The following ITGA1 variants were observed in gnomAD, a reference collection of about 807,000 sequenced individuals.
ITGA1 encodes integrin alpha-1.
Under a neutral mutation model 145.9 loss-of-function variants are expected in ITGA1, and 85 were observed. That is an observed-to-expected ratio of 0.58 (90% CI 0.49 to 0.70). ITGA1 has a LOEUF of 0.70. Among genes scored for constraint, ITGA1 ranks in the 30% least tolerant of loss-of-function variants. The pLI is 0.00. For synonymous variants in ITGA1, 520 were observed against 495.3 expected (o/e 1.05, Z -0.66); for missense variants, 1,351 against 1,418.7 (o/e 0.95, Z 0.77).
intron 27 of ITGA1, among the ~76,000 whole-genome samples, chr5:52,946,978 A>G (rs1579735852): frequency 6.6e-6 from 1 of 152,348 alleles, no homozygotes; most frequent in South Asian, 2.1e-4. Flanking sequence ...ATTCCAATCT[A>G]AACTAATGCT....
intron 10 of ITGA1, 90 bp from the exon 11 acceptor site, chr5:52,898,149 C>T: frequency 1.3e-6 from 1 of 774,498 alleles, no homozygotes; most frequent in Non-Finnish European, 1.9e-6. Flanking sequence ...GCACTTTGAA[C>T]AGTATACCTA....
intron 1 of ITGA1, 138 bp downstream of exon 1, chr5:52,788,552 C>G (rs1409975222): frequency 1.5e-6 from 1 of 646,666 alleles, no homozygotes; most frequent in Admixed American, 4.2e-5. Flanking sequence ...GTACTCAGGC[C>G]AGGCTACGGG....
At chr5:52,931,531 A>G (rs528680829) in intron 21 of ITGA1, 1 of 152,392 alleles carries the variant, frequency 6.6e-6, no homozygotes, top group East Asian at 1.9e-4. Flanking sequence ...TTAACAAACA[A>G]TATGATCATC....
At chr5:52,869,499 T>C (rs371314457) in intron 6 of ITGA1, among the ~76,000 whole-genome samples, 11 of 152,172 alleles carry the variant, frequency 7.2e-5, no homozygotes, top group Admixed American at 5.2e-4. Context: ...TGAGAAACAC[T>C]GGACTAAGGC....
intron 1 of ITGA1, among the ~76,000 whole-genome samples, chr5:52,795,692 G>C (rs1389764846): frequency 6.6e-6 from 1 of 151,856 alleles, no homozygotes; most frequent in Non-Finnish European, 1.5e-5. Flanking sequence ...ATGAGCTCTT[G>C]TCCCTTGTTT....
chr5:52,837,113 G>A (rs1580055013), intron 1 of ITGA1, among the ~76,000 whole-genome samples: 2 of 152,242 alleles, frequency 1.3e-5, no homozygotes, highest in South Asian at 4.1e-4. Flanking sequence ...CCTCACTTGA[G>A]ATCAGAACCA....
At chr5:52,912,482 ATG>A (rs1460544119) in intron 14 of ITGA1, among the ~76,000 whole-genome samples, 1 of 138,944 alleles carries the variant, frequency 7.2e-6, no homozygotes, top group Non-Finnish European at 1.5e-5. Flanking sequence ...TATCCAGTAT[ATG>A]TATTATATAT....
chr5:52,897,744 A>G (rs1750251295), intron 10 of ITGA1, among the ~76,000 whole-genome samples: 1 of 152,176 alleles, frequency 6.6e-6, no homozygotes, highest in African/African-American at 2.4e-5. Flanking sequence ...ACTACATTGT[A>G]CTAATAGTTG....
chr5:52,814,710 T>C lies in ITGA1; in HGVS notation c.61+26296T>C, dbSNP rs766404655. 3.9e-5 allele frequency among the ~76,000 whole-genome samples: 6 copies of C among 152,068 alleles called. No individual in the cohort carries two copies. The South Asian group carries it at 1.0e-3, about 26-fold the overall frequency. On this transcript the variant is annotated intron_variant, in intron 1 of 28. Coordinates refer to ENST00000282588, the MANE Select transcript of ITGA1 (RefSeq NM_181501.2). Reference sequence around the variant, plus strand: ...CAACAATCAGAGAGAATTAGTCCTCTGCACCTTCTGAGAGGTATTAAAAAA... The same window carrying C: ...CAACAATCAGAGAGAATTAGTCCTCCGCACCTTCTGAGAGGTATTAAAAAA...
At chr5:52,868,572 T>G (rs1749726304) in intron 6 of ITGA1, among the ~76,000 whole-genome samples, 2 of 152,198 alleles carry the variant, frequency 1.3e-5, no homozygotes, top group African/African-American at 4.8e-5. Flanking sequence ...AACATGAAGT[T>G]ATATGTATTT....
At chr5:52,894,611 A>G (rs1288601842) in intron 9 of ITGA1, among the ~76,000 whole-genome samples, 1 of 152,184 alleles carries the variant, frequency 6.6e-6, no homozygotes, top group African/African-American at 2.4e-5. Context: ...CTCAGGGAAC[A>G]TGCGCCTTTT....
intron 17 of ITGA1, among the ~76,000 whole-genome samples, chr5:52,921,735 T>G (rs1274910897): frequency 2.6e-5 from 4 of 152,206 alleles, no homozygotes; most frequent in African/African-American, 9.6e-5. Context: ...AGAAGCACTT[T>G]GAAATTTGTT....
At chr5:52,892,792 C>G (rs1011353270) in intron 8 of ITGA1, among the ~76,000 whole-genome samples, 1 of 151,784 alleles carries the variant, frequency 6.6e-6, no homozygotes, top group Non-Finnish European at 1.5e-5. Flanking sequence ...AAAATCAAAG[C>G]TATAAGGACA....
intron 13 of ITGA1, 112 bp from the exon 14 acceptor site, chr5:52,910,050 A>G (rs952621750): frequency 9.8e-7 from 1 of 1,021,522 alleles, no homozygotes; most frequent in Non-Finnish European, 1.4e-6. Context: ...TACCAACTTT[A>G]CCACTAATGT....
At chr5:52,892,653 G>T (rs1322540697) in intron 8 of ITGA1, among the ~76,000 whole-genome samples, 1 of 152,132 alleles carries the variant, frequency 6.6e-6, no homozygotes, top group Non-Finnish European at 1.5e-5. Flanking sequence ...ATGCTACTCT[G>T]CAATAGAAAG....
chr5:52,911,538 ATACATATACTATATATAGTGTATCTAC>A (rs1750532703), intron 14 of ITGA1, among the ~76,000 whole-genome samples: 1 of 120,496 alleles, frequency 8.3e-6, no homozygotes, highest in African/African-American at 3.0e-5. Flanking sequence ...TATATATTAG[ATACATATACTATATATAGTGTATCTAC>A]TATATATACT....
intron 1 of ITGA1, among the ~76,000 whole-genome samples, chr5:52,811,010 G>C (rs1316960093): frequency 6.6e-6 from 1 of 152,196 alleles, no homozygotes; most frequent in Non-Finnish European, 1.5e-5. Context: ...GATCAATAAA[G>C]TAGCGCAACC....
Position 52,925,456 on chromosome 5 carries a change from A to G in ITGA1, c.2582A>G (p.Tyr861Cys), listed in dbSNP as rs563203426. Residue 861 changes from tyrosine to cysteine, a missense_variant, in exon 19 of 29, where the codon TAT (tyrosine) becomes TGT (cysteine). Physicochemically the swap from Tyr to Cys is radical, Grantham distance 194 (BLOSUM62 -2). Coordinates refer to ENST00000282588, the MANE Select transcript of ITGA1 (RefSeq NM_181501.2). ...TATAACACCAGGACAATAGTGCATT[A>G]TTCTCCAAATCTAGTTTTTTCAGGA... ...SAYNTRTIVH[Y>C]SPNLVFSGIE... 211 of 1,613,794 alleles carry G rather than the reference A, an allele frequency of 1.3e-4. 1 individual carries two copies. The South Asian group carries it at 1.8e-3, about 14-fold the overall frequency.
intron 1 of ITGA1, among the ~76,000 whole-genome samples, chr5:52,819,134 T>A (rs534091615): frequency 2.6e-5 from 4 of 152,366 alleles, no homozygotes; most frequent in Admixed American, 2.0e-4. Flanking sequence ...TATAGCAGCA[T>A]GATTTATAAT....
Sources: gnomAD v4.1 joint callset for allele counts (sites outside exome capture counted in the v4.1 genomes callset) on GRCh38, gnomAD v4.1.1 for gene constraint, MANE v1.5 for transcripts, NCBI Gene and HGNC (gene_info 2026-07-23, HGNC 2026-07-21) for gene names.